Variants in ALDH3A2 observed in about 807,000 individuals in gnomAD.
The protein encoded by ALDH3A2 is aldehyde dehydrogenase 3 family member A2.
Under a neutral mutation model 51.3 loss-of-function variants are expected in ALDH3A2, and 36 were observed. The observed-to-expected ratio is 0.70, with a 90% CI of 0.54 to 0.93. The LOEUF (loss-of-function observed/expected upper bound fraction) is 0.93, where lower values mean the gene tolerates loss of function less well. Among genes scored for constraint, ALDH3A2 ranks in the 40% least tolerant of loss-of-function variants. The pLI is 0.00. For synonymous variants in ALDH3A2, 199 were observed against 219.8 expected (o/e 0.91, Z 0.84); for missense variants, 552 against 603.1 (o/e 0.92, Z 0.89).
intron 8 of ALDH3A2, among the ~76,000 whole-genome samples, chr17:19,667,275 C>T (rs2085051768): frequency 6.6e-6 from 1 of 152,174 alleles, no homozygotes; most frequent in African/African-American, 2.4e-5. Context: ...ACTTTTCCAT[C>T]ATATGAATGT....
chr17:19,652,794 G>A (rs1002944253), intron 3 of ALDH3A2, 162 bp downstream of exon 3: 36 of 666,308 alleles, frequency 5.4e-5, no homozygotes, highest in African/African-American at 2.3e-4. Flanking sequence ...CAAAATACAC[G>A]GAGTGTATTT....
At chr17:19,663,946 A>G (rs540123080) in intron 7 of ALDH3A2, among the ~76,000 whole-genome samples, 109 of 152,376 alleles carry the variant, frequency 7.2e-4, no homozygotes, top group Non-Finnish European at 1.1e-3. Flanking sequence ...AGTTTCTAAC[A>G]TGACGCTAGC....
intron 3 of ALDH3A2, among the ~76,000 whole-genome samples, chr17:19,653,002 CTT>C (rs1047983752): frequency 6.6e-5 from 10 of 150,450 alleles, no homozygotes; most frequent in Non-Finnish European, 1.3e-4. Flanking sequence ...CTAACAATCT[CTT>C]TTGTTCTAAC....
At chr17:19,673,443 C>T (rs572094492) in intron 9 of ALDH3A2, among the ~76,000 whole-genome samples, 11 of 151,162 alleles carry the variant, frequency 7.3e-5, no homozygotes, top group South Asian at 4.2e-4. Flanking sequence ...ATGGGCCGGG[C>T]GCAGTGGCTC....
rs1247862979 is a variant in ALDH3A2 at position 19,656,724 on chromosome 17, G to A, written c.680+150G>A. The A allele has an allele frequency of 6.2e-6, 5 of 800,552 alleles. No individual in the cohort carries two copies. The East Asian group carries it at 8.1e-5, about 13-fold the overall frequency. The allele number at this position is 800,552 out of a possible 1,614,324, so 49.6% of individuals were successfully genotyped here. A position where few individuals can be genotyped will look rare whatever the true frequency, so the allele number is the denominator to read the frequency against. On this transcript the variant is annotated intron_variant, in intron 4 of 9. Transcript: ENST00000176643. ...GTTGATGTCCTCAAGAGTAACAGGAGTCTTTCACTGTCTCTTGGCGCCACT... is the reference window on the plus strand; with the variant it reads ...GTTGATGTCCTCAAGAGTAACAGGAATCTTTCACTGTCTCTTGGCGCCACT...
At chr17:19,671,355 T>C (rs1597572611) in intron 8 of ALDH3A2, among the ~76,000 whole-genome samples, 1 of 152,220 alleles carries the variant, frequency 6.6e-6, no homozygotes, top group Admixed American at 6.5e-5. Flanking sequence ...TAACTGACCC[T>C]GTAAGCTCCC....
chr17:19,675,528 G>A, intron 9 of ALDH3A2, 30 bp from the exon 10 acceptor site: 1 of 1,613,606 alleles, frequency 6.2e-7, no homozygotes, highest in South Asian at 1.1e-5. Flanking sequence ...AAGCAGCTGA[G>A]TAAACTGAAT....
At chr17:19,665,409 G>GT (rs1555534756) in intron 8 of ALDH3A2, among the ~76,000 whole-genome samples, 39 of 139,858 alleles carry the variant, frequency 2.8e-4, no homozygotes, top group African/African-American at 1.0e-3. Context: ...GTGTGTGTGT[G>GT]GTGTGTGTGT....
intron 3 of ALDH3A2, among the ~76,000 whole-genome samples, chr17:19,653,827 C>G (rs967470507): frequency 3.9e-5 from 6 of 152,220 alleles, no homozygotes; most frequent in Non-Finnish European, 8.8e-5. Flanking sequence ...TATCTGGCCC[C>G]ACCCGCATCC....
At chr17:19,656,130 A>G (rs1036026102) in intron 3 of ALDH3A2, 6 of 537,448 alleles carry the variant, frequency 1.1e-5, no homozygotes, top group Non-Finnish European at 1.3e-5. Context: ...GAGCTCATGT[A>G]AAAAAACACT....
chr17:19,677,585 G>A lies in ALDH3A2; in HGVS notation c.*2013G>A, dbSNP rs911460041. ...TCTCCCCAACTATAAATCATTTTATGTCTTTATCATAGATGGTATTTGTCA... is the reference window on the plus strand; with the variant it reads ...TCTCCCCAACTATAAATCATTTTATATCTTTATCATAGATGGTATTTGTCA... On this transcript the variant is annotated 3_prime_UTR_variant, in exon 10 of 10. Transcript: ENST00000176643. 1 of 152,004 alleles carries A rather than the reference G, an allele frequency of 6.6e-6. No individual in the cohort carries two copies. The highest frequency in any genetic ancestry group is 2.4e-5 in the African/African-American group (1 of 41,376). The allele number at this position is 152,004 out of a possible 1,614,324, so 9.4% of individuals were successfully genotyped here.
At chr17:19,656,023 G>A (rs538123586) in intron 3 of ALDH3A2, 19 of 367,086 alleles carry the variant, frequency 5.2e-5, no homozygotes, top group Non-Finnish European at 9.5e-5. Context: ...TCCTGTGGGA[G>A]CCACTCTTCA....
At chr17:19,658,596 G>A (rs1174789625) in intron 5 of ALDH3A2, among the ~76,000 whole-genome samples, 3 of 151,922 alleles carry the variant, frequency 2.0e-5, no homozygotes, top group African/African-American at 4.8e-5. Context: ...GGATGGTGGT[G>A]CATGTCTGTA....
chr17:19,663,549 A>G (rs200204148), intron 7 of ALDH3A2, 50 bp downstream of exon 7: 6 of 1,590,406 alleles, frequency 3.8e-6, no homozygotes, highest in Middle Eastern at 1.7e-4. Flanking sequence ...GTCAAGAGTC[A>G]TGTTCCTTCT....
At chr17:19,655,655 CCT>C (rs1449572656) in intron 3 of ALDH3A2, among the ~76,000 whole-genome samples, 2 of 152,198 alleles carry the variant, frequency 1.3e-5, no homozygotes, top group African/African-American at 4.8e-5. Context: ...GTCTTGAATA[CCT>C]CTCTGTCTTC....
chr17:19,650,494 C>T (rs2084800814), intron 1 of ALDH3A2, among the ~76,000 whole-genome samples: 1 of 152,004 alleles, frequency 6.6e-6, no homozygotes, highest in Non-Finnish European at 1.5e-5. Context: ...CGCTCTTTCT[C>T]CCAGGCCGGA....
rs568610532 is a variant in ALDH3A2, at chr17:19,675,564, T to C, written c.1450T>C (p.Tyr484His). 3.1e-6 allele frequency: 5 copies of C among 1,613,850 alleles called. No individual in the cohort carries two copies. Among genetic ancestry groups the C allele is most frequent in the South Asian group, 2.2e-5 (2 of 91,064 alleles). The stretch of plus-strand genomic sequence containing the variant: ...CCTTTTTTCCTCTCTCCAGGCAGAA[T>C]ATTACTGAAGAATGATCCTGTTCAA... ...IVAAVLVKAE[Y>H]Y Residue 484 changes from tyrosine (Y) to histidine (H), a missense_variant, in exon 10 of 10, where the codon TAT becomes CAT. Coordinates refer to ENST00000176643, the MANE Select transcript of ALDH3A2 (RefSeq NM_000382.3).
chr17:19,668,026 C>CT (rs1213642197), intron 8 of ALDH3A2, among the ~76,000 whole-genome samples: 15 of 152,184 alleles, frequency 9.9e-5, no homozygotes, highest in Admixed American at 2.6e-4. Flanking sequence ...AGAAAAGGGT[C>CT]TCATTTCAAT....
rs754624836 is a variant in ALDH3A2, at chr17:19,651,759, G to T, written c.366G>T (p.Leu122=). The change falls in exon 2 of 10, where the codon CTG becomes CTT. Residue 122 remains leucine, a synonymous_variant. Transcript: ENST00000176643. ...NYPFVLTIQP[L]IGAIAAGNAV... is the part of the protein sequence containing the mutation. ...CCTTCGTTCTCACCATTCAGCCACT[G>T]ATAGGAGCCATCGCTGCAGGTCTGG... 4 of 1,614,040 alleles carry T rather than the reference G, an allele frequency of 2.5e-6. No homozygotes were observed. The African/African-American group carries it at 5.3e-5, about 22-fold the overall frequency.
Sources: gnomAD v4.1 joint callset for allele counts (sites outside exome capture counted in the v4.1 genomes callset) on GRCh38, gnomAD v4.1.1 for gene constraint, MANE v1.5 for transcripts, NCBI Gene and HGNC (gene_info 2026-07-23, HGNC 2026-07-21) for gene names.